Variants in SPATS2 observed in about 807,000 individuals in gnomAD.
SPATS2 encodes spermatogenesis-associated serine-rich protein 2.
In SPATS2, 38 loss-of-function variants were observed where a neutral mutation model predicts 63.7. The ratio of observed to expected loss-of-function variants is 0.60; its 90% CI spans 0.46 to 0.78. The LOEUF (loss-of-function observed/expected upper bound fraction) is 0.78. Among genes scored for constraint, SPATS2 ranks in the 30% least tolerant of loss-of-function variants. SPATS2 has a pLI of 0.00. For synonymous variants in SPATS2, 207 were observed against 232.9 expected, an observed-to-expected ratio of 0.89 and a Z score of 1.01; for missense variants, 588 against 666.2, an observed-to-expected ratio of 0.88 and a Z score of 1.29.
At chr12:49,399,931 G>C (rs1171835764) in intron 2 of SPATS2, among the ~76,000 whole-genome samples, 1 of 152,176 alleles carries the variant, frequency 6.6e-6, no homozygotes, top group African/African-American at 2.4e-5. Context: ...AGCTACTCGG[G>C]AGGCTGAGGC....
chr12:49,484,543 G>A (rs1946256823), intron 3 of SPATS2, 47 bp from the exon 4 acceptor site: 1 of 1,577,606 alleles, frequency 6.3e-7, no homozygotes, highest in African/African-American at 1.3e-5. Context: ...CTTAGGGATG[G>A]ATTATATTTG....
intron 2 of SPATS2, among the ~76,000 whole-genome samples, chr12:49,392,331 TA>T (rs1944432354): frequency 6.6e-6 from 1 of 152,152 alleles, no homozygotes; most frequent in African/African-American, 2.4e-5. Context: ...GATGAGTGAT[TA>T]AAAAAATAAT....
chr12:49,435,022 C>CTTTT (rs776284070), intron 2 of SPATS2, among the ~76,000 whole-genome samples: 52 of 114,050 alleles, frequency 4.6e-4, no homozygotes, highest in Admixed American at 5.7e-4. Flanking sequence ...AACTGAATGG[C>CTTTT]TTTTTTTTTT....
chr12:49,425,821 G>A (rs1395201826), intron 2 of SPATS2, among the ~76,000 whole-genome samples: 2 of 150,752 alleles, frequency 1.3e-5, no homozygotes, highest in African/African-American at 2.4e-5. Flanking sequence ...TAGTAGAGAC[G>A]GGGGTTTCAC....
intron 2 of SPATS2, among the ~76,000 whole-genome samples, chr12:49,410,169 G>A (rs1159994779): frequency 6.6e-6 from 1 of 151,302 alleles, no homozygotes; most frequent in Non-Finnish European, 1.5e-5. Context: ...TCTGCCTCCC[G>A]GGCTCTAGCA....
rs1491450814 is a variant in SPATS2, at chr12:49,403,640, C to CAA, written c.-244+32352_-244+32353dup. Among the ~76,000 whole-genome samples, 238 of 143,048 alleles carry CAA rather than the reference C, an allele frequency of 1.7e-3. 1 individual carries two copies. The highest frequency in any genetic ancestry group is 6.0e-3 in the African/African-American group (224 of 37,292). 93.8% of individuals were successfully genotyped at this position (143,048 alleles called of 152,430 possible). A position where few individuals can be genotyped will look rare whatever the true frequency, so the allele number is the denominator to read the frequency against. On this transcript the variant is annotated intron_variant, in intron 2 of 13. Coordinates refer to ENST00000552918, the MANE Select transcript of SPATS2 (RefSeq NM_023071.4). ...ACACACACACACACACACACACACA[C>CAA]AAACAAAACTGGAATTCTCTGTTAT... is the stretch of plus-strand genomic sequence containing the variant.
At chr12:49,427,219 A>T (rs1945095789) in intron 2 of SPATS2, among the ~76,000 whole-genome samples, 1 of 152,238 alleles carries the variant, frequency 6.6e-6, no homozygotes, top group African/African-American at 2.4e-5. Context: ...AACTTTTCAA[A>T]AAATAGTTAT....
intron 1 of SPATS2, among the ~76,000 whole-genome samples, chr12:49,368,611 C>T (rs1456109878): frequency 6.6e-6 from 1 of 152,130 alleles, no homozygotes; most frequent in African/African-American, 2.4e-5. Context: ...GGGGTTCTGC[C>T]TTAAATTATT....
intron 2 of SPATS2, among the ~76,000 whole-genome samples, chr12:49,441,373 T>G (rs1945415418): frequency 6.6e-6 from 1 of 152,224 alleles, no homozygotes; most frequent in South Asian, 2.1e-4. Context: ...CTTCAATCTT[T>G]ATTTCTCCTT....
chr12:49,473,048 CAAA>C lies in SPATS2; in HGVS notation c.26-11528_26-11526del, dbSNP rs34734137. 9.6e-5 allele frequency among the ~76,000 whole-genome samples: 8 copies of C among 83,578 alleles called. No homozygotes were observed. In the South Asian group the frequency reaches 1.1e-3, roughly 12 times the overall value. The allele number at this position is 83,578 out of a possible 152,430, so 54.8% of individuals were successfully genotyped here. A position where few individuals can be genotyped will look rare whatever the true frequency, so the allele number is the denominator to read the frequency against. ...TGGGCAATAGAGTGAGACCCTGTCT[CAAA>C]AAAAAAAAAAAAAGACAACAACAAC... is the stretch of plus-strand genomic sequence containing the variant. On this transcript the variant is annotated intron_variant, in intron 3 of 13. Transcript: ENST00000552918.
chr12:49,415,437 T>A (rs1280390439), intron 2 of SPATS2, among the ~76,000 whole-genome samples: 1 of 152,240 alleles, frequency 6.6e-6, no homozygotes, highest in Admixed American at 6.5e-5. Context: ...TCATTGCTCC[T>A]TATATTCTAT....
intron 8 of SPATS2, among the ~76,000 whole-genome samples, chr12:49,498,486 C>T (rs1946506588): frequency 6.6e-6 from 1 of 151,900 alleles, no homozygotes; most frequent in South Asian, 2.1e-4. Context: ...TTTGTAATGT[C>T]CACATGGTGA....
In SPATS2 at chr12:49,524,827, C is replaced by T. The variant is rs1207558640; in HGVS notation, c.1257C>T (p.Asn419=). ...PPSLTSANKK[N]FAPGETPAAI... is the part of the protein sequence containing the mutation. ...GCCTTACAAGTGCTAACAAGAAAAA[C>T]TTTGCACCGGGAGAGACTCCTGCAG... The change falls in exon 13 of 14, where the codon AAC becomes AAT. Residue 419 remains asparagine (N), a synonymous_variant. Coordinates refer to ENST00000552918, the MANE Select transcript of SPATS2 (RefSeq NM_023071.4). The T allele has an allele frequency of 6.2e-7, 1 of 1,614,124 alleles. No homozygotes were observed. Among genetic ancestry groups the T allele is most frequent in the Admixed American group, 1.7e-5 (1 of 59,998 alleles).
chr12:49,464,479 T>A (rs1402347333), intron 3 of SPATS2, among the ~76,000 whole-genome samples: 2 of 147,568 alleles, frequency 1.4e-5, no homozygotes, highest in Non-Finnish European at 3.0e-5. Context: ...AAAAAAAAAT[T>A]AGCTGGGTGT....
chr12:49,374,945 C>G (rs993398897), intron 2 of SPATS2, among the ~76,000 whole-genome samples: 1 of 107,694 alleles, frequency 9.3e-6, no homozygotes, highest in East Asian at 2.6e-4. Flanking sequence ...TGGGAAACAG[C>G]GAGGATCTGT....
intron 2 of SPATS2, among the ~76,000 whole-genome samples, chr12:49,372,972 G>A (rs1247320019): frequency 8.0e-6 from 1 of 124,632 alleles, no homozygotes; most frequent in Non-Finnish European, 1.7e-5. Flanking sequence ...GTGTGTGTGT[G>A]TGTGTGTGTG....
intron 2 of SPATS2, among the ~76,000 whole-genome samples, chr12:49,385,737 G>T (rs776658530): frequency 1.3e-5 from 2 of 152,164 alleles, no homozygotes; most frequent in Non-Finnish European, 2.9e-5. Flanking sequence ...TTGTTTAGGA[G>T]AATGGGAGAA....
chr12:49,371,025 T>TA (rs1351839917), intron 1 of SPATS2, among the ~76,000 whole-genome samples: 2 of 152,270 alleles, frequency 1.3e-5, no homozygotes, highest in South Asian at 2.1e-4. Context: ...TTTGTTTACT[T>TA]AAAAAAAATT....
intron 1 of SPATS2, among the ~76,000 whole-genome samples, chr12:49,368,302 A>G (rs1456695971): frequency 1.6e-4 from 24 of 152,204 alleles, no homozygotes; most frequent in Admixed American, 1.6e-3. Context: ...CATTTTATTG[A>G]TAAAACATGC....
Sources: allele counts gnomAD v4.1 joint callset (sites outside exome capture counted in the v4.1 genomes callset), GRCh38; gene constraint gnomAD v4.1.1; transcripts MANE v1.5; gene names NCBI Gene and HGNC (gene_info 2026-07-23, HGNC 2026-07-21).